Variants in NLRC5 observed in about 807,000 individuals in gnomAD.
NLRC5 encodes the protein protein NLRC5.
In NLRC5, 114 loss-of-function variants were observed where a neutral mutation model predicts 206.9. That is an observed-to-expected ratio of 0.55 (90% confidence interval 0.47 to 0.64). The LOEUF (loss-of-function observed/expected upper bound fraction) is 0.64. NLRC5 is among the 30% of genes least tolerant of loss of function. NLRC5 has a pLI of 0.00. For synonymous variants in NLRC5, 952 were observed against 962.8 expected (o/e 0.99, Z 0.21); for missense variants, 2,008 against 2,305.5 (o/e 0.87, Z 2.64).
chr16:57,059,630 C>T (rs2066156293), intron 30 of NLRC5, 98 bp downstream of exon 30: 2 of 1,168,376 alleles, frequency 1.7e-6, no homozygotes, highest in Non-Finnish European at 2.3e-6. Flanking sequence ...GCCCTCTCCT[C>T]CTTTAGAGAG....
rs540701702 is a variant in NLRC5, at chr16:56,995,558, G to A, written c.-128+5941G>A. Among the ~76,000 whole-genome samples, 14 of 152,240 alleles carry A rather than the reference G, an allele frequency of 9.2e-5. No homozygotes were observed. The East Asian group carries it at 2.7e-3, about 29-fold the overall frequency. On this transcript the variant is annotated intron_variant, in intron 1 of 48. Coordinates refer to ENST00000688547, the MANE Select transcript of NLRC5 (RefSeq NM_001384950.1). Reference sequence around the variant, plus strand: ...TGCCAATGTAGAGAGGCTGCCGACCGCTGGAAGCTTCCCAATCCCCCAGCA... The same window carrying A: ...TGCCAATGTAGAGAGGCTGCCGACCACTGGAAGCTTCCCAATCCCCCAGCA...
intron 30 of NLRC5, 69 bp downstream of exon 30, chr16:57,059,601 A>T: frequency 3.5e-6 from 5 of 1,420,700 alleles, no homozygotes; most frequent in Non-Finnish European, 3.8e-6. Context: ...GGCGGCCTCC[A>T]TGGCCCCCTC....
At chr16:57,017,863 C>T (rs1328771079) in intron 2 of NLRC5, among the ~76,000 whole-genome samples, 1 of 152,222 alleles carries the variant, frequency 6.6e-6, no homozygotes. Flanking sequence ...GCCCTAATGC[C>T]TACCACAGAG....
intron 2 of NLRC5, among the ~76,000 whole-genome samples, chr16:57,020,051 G>T (rs2060488203): frequency 6.6e-6 from 1 of 151,968 alleles, no homozygotes; most frequent in African/African-American, 2.4e-5. Flanking sequence ...CTGATCCCTG[G>T]GCAGAGACAT....
chr16:57,026,642 G>T lies in NLRC5; in HGVS notation c.1699G>T (p.Gly567Cys), dbSNP rs766650347. The change falls in exon 6 of 49, where the codon GGC (glycine) becomes TGC (cysteine). Residue 567 changes from glycine (G) to cysteine (C), a missense_variant. By Grantham distance (159) the Gly-to-Cys change is radical. Coordinates refer to ENST00000688547, the MANE Select transcript of NLRC5 (RefSeq NM_001384950.1). ...AGACCACCTCCCCACCTTCCTGGCGGGCCTGGCATCCTGCACCTGCCGCCC... is the reference window on the plus strand; with the variant it reads ...AGACCACCTCCCCACCTTCCTGGCGTGCCTGGCATCCTGCACCTGCCGCCC... ...LSDHLPTFLA[G>C]LASCTCRPFL... 5 of 1,614,036 alleles carry T rather than the reference G, an allele frequency of 3.1e-6. No homozygotes were observed. Among genetic ancestry groups the T allele is most frequent in the South Asian group, 1.1e-5 (1 of 91,090 alleles).
At chr16:57,066,434 C>A (rs1413229460) in intron 33 of NLRC5, 100 bp from the exon 34 acceptor site, 2 of 999,610 alleles carry the variant, frequency 2.0e-6, no homozygotes, top group Non-Finnish European at 3.1e-6. Context: ...GGGACCCAGG[C>A]AAAGTGAGAG....
chr16:57,074,789 G>A (rs575298376), intron 39 of NLRC5, 106 bp downstream of exon 39: 76 of 1,074,820 alleles, frequency 7.1e-5, no homozygotes, highest in Middle Eastern at 2.1e-4. Context: ...GGGATCCTTT[G>A]CGGATCCCTC....
At chr16:57,046,458 T>C in intron 21 of NLRC5, 94 bp from the exon 22 acceptor site, 1 of 1,029,800 alleles carries the variant, frequency 9.7e-7, no homozygotes, top group Non-Finnish European at 1.5e-6. Flanking sequence ...TGAACTTTCC[T>C]TTCTAAACGA....
intron 25 of NLRC5, 27 bp from the exon 26 acceptor site, chr16:57,055,005 G>T: frequency 6.2e-7 from 1 of 1,614,082 alleles, no homozygotes; most frequent in Non-Finnish European, 8.5e-7. Context: ...GGCCACAGCT[G>T]TCTGACCCAG....
intron 22 of NLRC5, 134 bp from the exon 23 acceptor site, chr16:57,047,411 G>A: frequency 1.4e-6 from 1 of 717,778 alleles, no homozygotes; most frequent in South Asian, 1.7e-5. Flanking sequence ...AGGGAAGCGA[G>A]TGCCCCACAG....
At chr16:57,020,361 T>A (rs1263232875) in intron 2 of NLRC5, among the ~76,000 whole-genome samples, 2 of 125,816 alleles carry the variant, frequency 1.6e-5, no homozygotes, top group Non-Finnish European at 3.3e-5. Flanking sequence ...AGTTCCCCTG[T>A]CCCCCAGCTC....
rs1040471499 is a variant in NLRC5 at position 57,045,566 on chromosome 16, C to T, written c.3248+74C>T. 22 of 1,456,212 alleles carry T rather than the reference C, an allele frequency of 1.5e-5. No individual in the cohort carries two copies. The African/African-American group carries it at 2.9e-4, about 19-fold the overall frequency. 90.2% of individuals were successfully genotyped at this position (1,456,212 alleles called of 1,614,324 possible). The stretch of plus-strand genomic sequence containing the variant: ...CCGTCTGTTGGAGGTCCCCCCACCC[C>T]CAGACCCATGCTGACCACTCAGCTC... On this transcript the variant is annotated intron_variant, in intron 21 of 48. Coordinates refer to ENST00000688547, the MANE Select transcript of NLRC5 (RefSeq NM_001384950.1).
chr16:57,053,423 AAG>A (rs2065191544), intron 24 of NLRC5, among the ~76,000 whole-genome samples: 1 of 151,836 alleles, frequency 6.6e-6, no homozygotes, highest in Non-Finnish European at 1.5e-5. Flanking sequence ...GGAGAGGAGG[AAG>A]AGAGAGATGG....
intron 32 of NLRC5, chr16:57,062,285 CAGTT>C (rs1235646375): frequency 4.0e-5 from 16 of 402,628 alleles, no homozygotes; most frequent in African/African-American, 1.5e-4. Flanking sequence ...CTAAGAAACT[CAGTT>C]AGCGATTCCT....
intron 38 of NLRC5, among the ~76,000 whole-genome samples, chr16:57,073,290 G>T (rs1346203633): frequency 6.6e-6 from 1 of 152,276 alleles, no homozygotes; most frequent in African/African-American, 2.4e-5. Flanking sequence ...GAAGGGGATG[G>T]ATCGTCAGTG....
At chr16:57,076,034 C>T (rs538533532) in intron 39 of NLRC5, 12 of 191,584 alleles carry the variant, frequency 6.3e-5, no homozygotes, top group African/African-American at 1.2e-4. Context: ...GTGCCTCAGC[C>T]GCCCAAGTAG....
Position 57,041,555 on chromosome 16 carries a change from C to T in NLRC5, c.3010C>T (p.Leu1004Phe). Residue 1004 changes from leucine to phenylalanine, a missense_variant, in exon 18 of 49, where the codon CTC becomes TTC. By Grantham distance (22) the Leu-to-Phe change is conservative (BLOSUM62 0). Coordinates refer to ENST00000688547, the MANE Select transcript of NLRC5 (RefSeq NM_001384950.1). ...CAAGGCTCTGGGAGGAAGCTGCCAC[C>T]TCGGTCACCTCCACCTCGAGTGAGT... Reference protein sequence around the residue: ...LCKALGGSCHLGHLHLDFSGN... With the variant: ...LCKALGGSCHFGHLHLDFSGN... 4 of 1,614,106 alleles carry T rather than the reference C, an allele frequency of 2.5e-6. No homozygotes were observed. Among genetic ancestry groups the T allele is most frequent in the Non-Finnish European group, 2.5e-6 (3 of 1,179,988 alleles).
chr16:56,993,308 T>A lies in NLRC5; in HGVS notation c.-128+3691T>A, dbSNP rs932997342. Among the ~76,000 whole-genome samples, 3 of 152,124 alleles carry A rather than the reference T, an allele frequency of 2.0e-5. No individual in the cohort carries two copies. In the South Asian group the frequency reaches 6.2e-4, roughly 31 times the overall value. ...CATCAAAATTTTAAAATCTGCCCTT[T>A]CCCTCTTTCTTTTTAACAGCTGCCT... On this transcript the variant is annotated intron_variant, in intron 1 of 48. Coordinates refer to ENST00000688547, the MANE Select transcript of NLRC5 (RefSeq NM_001384950.1).
At chr16:57,070,732 G>A (rs1280581917) in intron 38 of NLRC5, 114 bp downstream of exon 38, 1 of 853,334 alleles carries the variant, frequency 1.2e-6, no homozygotes, top group Non-Finnish European at 1.9e-6. Context: ...GAGTGGTGGG[G>A]TTGGTTAATG....
Sources: gnomAD v4.1 joint callset for allele counts (sites outside exome capture counted in the v4.1 genomes callset) on GRCh38, gnomAD v4.1.1 for gene constraint, MANE v1.5 for transcripts, NCBI Gene and HGNC (gene_info 2026-07-23, HGNC 2026-07-21) for gene names.